USP36: variants seen among roughly 807,000 people sequenced by gnomAD.
USP36 encodes ubiquitin specific peptidase 36, also known as ubiquitin carboxyl-terminal hydrolase 36.
USP36 carries 59 observed loss-of-function variants against 111.5 expected under a neutral mutation model. The observed-to-expected ratio is 0.53, with a 90% CI of 0.43 to 0.66. The LOEUF (loss-of-function observed/expected upper bound fraction) is 0.66, where lower values mean the gene tolerates loss of function less well. Among genes scored for constraint, USP36 ranks in the 30% least tolerant of loss-of-function variants. USP36 has a pLI of 0.00. For synonymous variants in USP36, 628 were observed against 581.0 expected, an observed-to-expected ratio of 1.08 and a Z score of -1.16; for missense variants, 1,488 against 1,468.0, an observed-to-expected ratio of 1.01 and a Z score of -0.22.
rs1324536674 is a variant in USP36, at chr17:78,819,955, C to T, written c.886G>A (p.Gly296Arg). The change falls in exon 9 of 21, where the codon GGA (glycine) becomes AGA (arginine). Residue 296 changes from glycine to arginine, a missense_variant. Coordinates refer to ENST00000449938, the MANE Select transcript of USP36 (RefSeq NM_001385174.1). ...ELFVKADVLSGENAYMCAKCK... is the reference protein window; with the variant it reads ...ELFVKADVLSRENAYMCAKCK... ...TTAGCACACATGTAGGCATTCTCTC[C>T]ACTCAGGACATCTGCTTTCACAAAA... 7.4e-6 allele frequency: 12 copies of T among 1,614,164 alleles called. No individual in the cohort carries two copies. Among genetic ancestry groups the T allele is most frequent in the Admixed American group, 3.3e-5 (2 of 60,026 alleles).
Position 78,798,345 on chromosome 17 carries a change from A to G in USP36, c.*20+55T>C. 1 of 1,599,382 alleles carries G rather than the reference A, an allele frequency of 6.3e-7. No individual in the cohort carries two copies. Among genetic ancestry groups the G allele is most frequent in the Non-Finnish European group, 8.5e-7 (1 of 1,175,178 alleles). ...CACACCCCACCACACCCCTACACAC[A>G]TACACGGCACACACACCCCCACCTC... On this transcript the variant is annotated intron_variant, in intron 20 of 20. Coordinates refer to ENST00000449938, the MANE Select transcript of USP36 (RefSeq NM_001385174.1). This position sits in a 1 kb window ranked among gnomAD's most constrained non-coding sequence, Gnocchi z 5.1.
intron 4 of USP36, among the ~76,000 whole-genome samples, chr17:78,831,278 T>C (rs1156461077): frequency 1.5e-5 from 2 of 133,068 alleles, no homozygotes; most frequent in African/African-American, 5.6e-5. Context: ...ATTGAAGAGC[T>C]CTTTTTTTTC....
In USP36 at chr17:78,800,332, C is replaced by T. The variant is rs28438597; in HGVS notation, c.3023-564G>A. 6.3e-3 allele frequency among the ~76,000 whole-genome samples: 957 copies of T among 152,264 alleles called. 13 individuals are homozygous for T. The highest frequency in any genetic ancestry group is 0.022 in the African/African-American group (896 of 41,550). On this transcript the variant is annotated intron_variant, in intron 17 of 20. Transcript: ENST00000449938. ...AGCTTGGCTGCTGCCATCAGGGGCC[C>T]GACCTCCTAAGCCCTGTCCAGGGGG...
At chr17:78,818,884 G>C in intron 9 of USP36, 106 bp from the exon 10 acceptor site, 4 of 1,144,686 alleles carry the variant, frequency 3.5e-6, no homozygotes, top group Non-Finnish European at 5.1e-6. Context: ...TGTAATAGTG[G>C]AATCTTCATC....
chr17:78,816,611 G>A (rs1242452733), intron 10 of USP36, among the ~76,000 whole-genome samples: 2 of 151,396 alleles, frequency 1.3e-5, no homozygotes, highest in East Asian at 1.9e-4. Context: ...GGGTGACAGA[G>A]TAAGACTCCG....
chr17:78,801,206 A>G (rs1197004642), intron 17 of USP36, among the ~76,000 whole-genome samples: 1 of 151,754 alleles, frequency 6.6e-6, no homozygotes. Flanking sequence ...TCGATCTCCT[A>G]ACCTTGTGAT....
rs2093800539 is a variant in USP36, at chr17:78,803,225, C to T, written c.2810+160G>A. Among the ~76,000 whole-genome samples the T allele has an allele frequency of 6.6e-6, 1 of 152,158 alleles. No homozygotes were observed. ...GTGCTAGGATTACAGGTGTGAGCCA[C>T]CACACCCAGCCAGAGGAGACATCTG... On this transcript the variant is annotated intron_variant, in intron 16 of 20. Coordinates refer to ENST00000449938, the MANE Select transcript of USP36 (RefSeq NM_001385174.1). The surrounding 1 kb of genome is among the most constrained non-coding windows in gnomAD (Gnocchi z 4.6).
intron 6 of USP36, chr17:78,827,022 G>A (rs1599077708): frequency 4.4e-6 from 3 of 678,324 alleles, no homozygotes; most frequent in Non-Finnish European, 5.4e-6. Flanking sequence ...AGCCGCCCCG[G>A]ACCAGCAGGA....
Position 78,813,107 on chromosome 17 carries a change from G to A in USP36, c.1266-106C>T, listed in dbSNP as rs2094107268. 25 of 1,443,896 alleles carry A rather than the reference G, an allele frequency of 1.7e-5. No individual in the cohort carries two copies. The South Asian group carries it at 3.0e-4, about 18-fold the overall frequency. 89.4% of individuals were successfully genotyped at this position (1,443,896 alleles called of 1,614,324 possible). A position where few individuals can be genotyped will look rare whatever the true frequency, so the allele number is the denominator to read the frequency against. ...GGCAAAGGCAGAAACACGGCCTGGGGAAACCCTGCCAGTCCTAACCACTTC... is the reference window on the plus strand; with the variant it reads ...GGCAAAGGCAGAAACACGGCCTGGGAAAACCCTGCCAGTCCTAACCACTTC... On this transcript the variant is annotated intron_variant, in intron 12 of 20. Coordinates refer to ENST00000449938, the MANE Select transcript of USP36 (RefSeq NM_001385174.1).
rs769800839 is a variant in USP36, at chr17:78,827,240, C to T, written c.689+5G>A. 2.5e-6 allele frequency: 4 copies of T among 1,611,472 alleles called. No homozygotes were observed. Among genetic ancestry groups the T allele is most frequent in the East Asian group, 2.2e-5 (1 of 44,840 alleles). Reference sequence around the variant, plus strand: ...CCCTGGGAGGGTGGGTGGGGAAGCACGCACTTGGCACAGCCATTCAGGCAG... The same window carrying T: ...CCCTGGGAGGGTGGGTGGGGAAGCATGCACTTGGCACAGCCATTCAGGCAG... On this transcript the variant is annotated splice_donor_5th_base_variant and intron_variant, in intron 6 of 20. Coordinates refer to ENST00000449938, the MANE Select transcript of USP36 (RefSeq NM_001385174.1).
chr17:78,808,803 C>T (rs984467555), intron 13 of USP36, among the ~76,000 whole-genome samples: 12 of 152,024 alleles, frequency 7.9e-5, no homozygotes, highest in African/African-American at 2.7e-4. Context: ...TTATCTCTCT[C>T]GTTCCCACTG....
Position 78,803,852 on chromosome 17 carries a change from C to A in USP36, c.2343G>T (p.Ser781=). The change falls in exon 16 of 21, where the codon TCG becomes TCT. Residue 781 remains serine, a synonymous_variant. Transcript: ENST00000449938. This position sits in a 1 kb window ranked among gnomAD's most constrained non-coding sequence, Gnocchi z 4.6. ...CCTCGTTGACCTGAGGCAGCGCCGT[C>A]GAGATGGAGGAGCAGCTCCGTGGTT... ...TSEPRSCSSI[S]TALPQVNEDL... is the part of the protein sequence containing the mutation. 6.2e-7 allele frequency: 1 copy of A among 1,607,862 alleles called. No individual in the cohort carries two copies. Among genetic ancestry groups the A allele is most frequent in the South Asian group, 1.1e-5 (1 of 91,006 alleles).
chr17:78,793,745 A>C (rs2093601833), downstream of USP36, among the ~76,000 whole-genome samples: 1 of 152,144 alleles, frequency 6.6e-6, no homozygotes, highest in Non-Finnish European at 1.5e-5. Context: ...ACTGCCCTTA[A>C]GGTCACTATT....
At chr17:78,822,760 A>T (rs949953935) in intron 6 of USP36, among the ~76,000 whole-genome samples, 10 of 152,128 alleles carry the variant, frequency 6.6e-5, no homozygotes, top group Non-Finnish European at 1.3e-4. Context: ...TCCTGGTTCT[A>T]CTTGCAACCC....
chr17:78,832,632 A>G (rs888139966), intron 4 of USP36, among the ~76,000 whole-genome samples: 2 of 152,212 alleles, frequency 1.3e-5, no homozygotes, highest in African/African-American at 4.8e-5. Flanking sequence ...TAATCCTCAC[A>G]AAGTTGGCAA....
At chr17:78,809,102 G>A (rs1790356641) in intron 13 of USP36, among the ~76,000 whole-genome samples, 1 of 152,158 alleles carries the variant, frequency 6.6e-6, no homozygotes, top group South Asian at 2.1e-4. Flanking sequence ...GCACTAAAGT[G>A]ATCTTCATTT....
At chr17:78,823,713 C>T (rs1369340329) in intron 6 of USP36, among the ~76,000 whole-genome samples, 2 of 152,110 alleles carry the variant, frequency 1.3e-5, no homozygotes, top group Non-Finnish European at 2.9e-5. Flanking sequence ...GGCAGGCAGG[C>T]AGCCTTAGAA....
chr17:78,818,907 A>G (rs1452141023), intron 9 of USP36, 129 bp from the exon 10 acceptor site: 4 of 899,306 alleles, frequency 4.4e-6, no homozygotes, highest in Admixed American at 2.2e-5. Flanking sequence ...TGAGATTTCG[A>G]CCTTCTGCTC....
intron 4 of USP36, among the ~76,000 whole-genome samples, chr17:78,829,288 T>C (rs1462996202): frequency 2.0e-5 from 3 of 152,238 alleles, no homozygotes; most frequent in Non-Finnish European, 4.4e-5. Context: ...AATGCTGACC[T>C]GTGCATGATC....
Sources: allele counts gnomAD v4.1 joint callset (sites outside exome capture counted in the v4.1 genomes callset), GRCh38; gene constraint gnomAD v4.1.1; non-coding constraint Gnocchi (gnomAD v3.1); transcripts MANE v1.5; gene names NCBI Gene and HGNC (gene_info 2026-07-23, HGNC 2026-07-21).